Variants in RAD51B observed in about 807,000 individuals in gnomAD.
RAD51B encodes DNA repair protein RAD51 homolog 2.
In RAD51B, 38 loss-of-function variants were observed where a neutral mutation model predicts 42.2. That is an observed-to-expected ratio of 0.90 (90% CI 0.70 to 1.18). The LOEUF is 1.18. RAD51B is among the 50% of genes most tolerant of loss of function. The probability of loss-of-function intolerance (pLI) is 0.00; values close to 1 mark genes in which losing one functional copy is unlikely to be tolerated. For synonymous variants in RAD51B, 154 were observed against 145.2 expected, an observed-to-expected ratio of 1.06 and a Z score of -0.43; for missense variants, 373 against 400.7, an observed-to-expected ratio of 0.93 and a Z score of 0.59.
intron 7 of RAD51B, among the ~76,000 whole-genome samples, chr14:67,946,203 A>C (rs191396044): frequency 1.3e-5 from 2 of 152,366 alleles, no homozygotes; most frequent in East Asian, 3.9e-4. Flanking sequence ...TTTCTAATTC[A>C]ACTTTTAATC....
chr14:68,329,738 T>A (rs1281771154), intron 8 of RAD51B, among the ~76,000 whole-genome samples: 1 of 152,128 alleles, frequency 6.6e-6, no homozygotes, highest in Non-Finnish European at 1.5e-5. Flanking sequence ...TCCCAGCACT[T>A]TGGGAGGCCG....
chr14:68,397,552 A>G (rs1367316515), intron 8 of RAD51B, among the ~76,000 whole-genome samples: 1 of 152,138 alleles, frequency 6.6e-6, no homozygotes, highest in East Asian at 1.9e-4. Context: ...TAAACTGCAC[A>G]CTGTTTGGAC....
intron 7 of RAD51B, among the ~76,000 whole-genome samples, chr14:68,289,104 T>C (rs2081467671): frequency 1.3e-5 from 2 of 152,212 alleles, no homozygotes; most frequent in Non-Finnish European, 2.9e-5. Context: ...TATATCCTGA[T>C]ATAGAAAATT....
rs73276278 is a variant in RAD51B at position 68,419,127 on chromosome 14, A to G, written c.957+7600A>G. ...AGCAAGCACTTTGGGTGATTCTTAC[A>G]TGGGTGTTCTTCAGTTTCATACTCC... On this transcript the variant is annotated intron_variant, in intron 9 of 10. Transcript: ENST00000471583. Among the ~76,000 whole-genome samples, 58 of 152,320 alleles carry G rather than the reference A, an allele frequency of 3.8e-4. 1 individual carries two copies. Among genetic ancestry groups the G allele is most frequent in the African/African-American group, 1.2e-3 (49 of 41,574 alleles).
In RAD51B at chr14:68,664,264, C is replaced by T. The variant is rs28593675; in HGVS notation, c.*11+13408C>T. On this transcript the variant is annotated intron_variant, in intron 11 of 11. Coordinates refer to the RAD51B transcript ENST00000488612. ...CTGACACCTTTCCCCTATCTCTTTT[C>T]TACATAATCTTAGAGTCCCCCAACC... Among the ~76,000 whole-genome samples the T allele has an allele frequency of 9.2e-3, 1,403 of 152,224 alleles. 21 individuals are homozygous for T. Among genetic ancestry groups the T allele is most frequent in the African/African-American group, 0.032 (1,322 of 41,524 alleles).
intron 8 of RAD51B, chr14:68,339,008 T>C (rs1810623): frequency 0.83 from 540,815 of 654,996 alleles, 224,475 homozygotes; most frequent in East Asian, 1. Context: ...TTTTACAACA[T>C]GGGGCAGGCA....
intron 7 of RAD51B, among the ~76,000 whole-genome samples, chr14:68,186,365 A>G (rs571962140): frequency 6.6e-6 from 1 of 152,196 alleles, no homozygotes; most frequent in Non-Finnish European, 1.5e-5. Context: ...GACAGATGGG[A>G]CCTAATTAAA....
At chr14:68,584,665 G>A (rs964616477) in intron 10 of RAD51B, among the ~76,000 whole-genome samples, 1 of 152,134 alleles carries the variant, frequency 6.6e-6, no homozygotes, top group African/African-American at 2.4e-5. Flanking sequence ...GGTGACTTGA[G>A]ATTTCACCTC....
chr14:67,929,757 G>A lies in RAD51B; in HGVS notation c.756+42553G>A, dbSNP rs537253635. ...CTTGCTTTATGCATATCCTCTTGCT[G>A]GATTGATCCCTTTATCATTATATAA... On this transcript the variant is annotated intron_variant, in intron 7 of 10. Coordinates refer to ENST00000471583, the MANE Select transcript of RAD51B (RefSeq NM_133510.4). 2.6e-5 allele frequency among the ~76,000 whole-genome samples: 4 copies of A among 151,630 alleles called. No individual in the cohort carries two copies. In the South Asian group the frequency reaches 8.3e-4, roughly 32 times the overall value.
chr14:68,276,188 G>T (rs2081220524), intron 7 of RAD51B, among the ~76,000 whole-genome samples: 1 of 152,168 alleles, frequency 6.6e-6, no homozygotes, highest in African/African-American at 2.4e-5. Flanking sequence ...ATACTCTGCA[G>T]ATCCAAATTA....
chr14:68,335,118 C>A (rs1434985911), intron 8 of RAD51B, among the ~76,000 whole-genome samples: 1 of 150,048 alleles, frequency 6.7e-6, no homozygotes, highest in South Asian at 2.1e-4. Flanking sequence ...CCAACATAGT[C>A]AAACCACATC....
intron 7 of RAD51B, among the ~76,000 whole-genome samples, chr14:67,906,717 T>C (rs1184981089): frequency 5.9e-5 from 9 of 152,100 alleles, no homozygotes; most frequent in Admixed American, 3.3e-4. Context: ...GTTTTGTGTA[T>C]TTCTGTGGGG....
chr14:68,062,570 G>C (rs904095340), intron 7 of RAD51B, among the ~76,000 whole-genome samples: 3 of 152,086 alleles, frequency 2.0e-5, no homozygotes, highest in African/African-American at 7.2e-5. Context: ...GAGGCAGGCG[G>C]ATCACTTGAG....
intron 7 of RAD51B, among the ~76,000 whole-genome samples, chr14:68,014,112 C>T (rs1040870395): frequency 4.0e-5 from 6 of 151,510 alleles, no homozygotes; most frequent in East Asian, 3.9e-4. Context: ...TAGTAATTTG[C>T]GTTATTTTTA....
chr14:68,461,336 GAAAAAAA>G (rs60250666), intron 9 of RAD51B, among the ~76,000 whole-genome samples: 2 of 126,530 alleles, frequency 1.6e-5, no homozygotes, highest in Admixed American at 8.3e-5. Flanking sequence ...TCCATGCAGG[GAAAAAAA>G]AAAAAAAAAA....
chr14:68,044,541 T>A (rs1253161609), intron 7 of RAD51B, among the ~76,000 whole-genome samples: 2 of 152,210 alleles, frequency 1.3e-5, no homozygotes, highest in African/African-American at 2.4e-5. Context: ...GGTTTCCATC[T>A]AAATTTTTTT....
intron 7 of RAD51B, among the ~76,000 whole-genome samples, chr14:68,269,868 C>T (rs573143680): frequency 4.6e-5 from 7 of 152,112 alleles, no homozygotes; most frequent in Non-Finnish European, 7.4e-5. Context: ...GGAATCTGTA[C>T]CATGAAAAGG....
chr14:68,548,783 C>T lies in RAD51B; in HGVS notation c.1037-45702C>T, dbSNP rs375021766. Among the ~76,000 whole-genome samples, 18 of 152,184 alleles carry T rather than the reference C, an allele frequency of 1.2e-4. 1 individual carries two copies. The East Asian group carries it at 2.7e-3, about 23-fold the overall frequency. ...GGCTGATGACCCAGGATTATCCCCC[C>T]ACCCAGGGCACACTGGGGATGAAGT... On this transcript the variant is annotated intron_variant, in intron 10 of 10. Transcript: ENST00000487270.
chr14:68,541,689 A>G (rs1887977171), intron 10 of RAD51B: 5 of 985,364 alleles, frequency 5.1e-6, no homozygotes, highest in Non-Finnish European at 6.0e-6. Context: ...TGAAGAAGCC[A>G]TTCATTTCTT....
Sources: gnomAD v4.1 joint callset for allele counts (sites outside exome capture counted in the v4.1 genomes callset) on GRCh38, gnomAD v4.1.1 for gene constraint, MANE v1.5 for transcripts, NCBI Gene and HGNC (gene_info 2026-07-23, HGNC 2026-07-21) for gene names.